ERVV-2: variants seen among roughly 807,000 people sequenced by gnomAD.
ERVV-2 encodes the protein endogenous retrovirus group V member 2, envelope.
For synonymous variants in ERVV-2, 105 were observed against 184.6 expected (o/e 0.57, Z 3.49); for missense variants, 291 against 495.1 (o/e 0.59, Z 3.91).
At chr19:53,047,018 G>A (rs2083893883) in intron 1 of ERVV-2, among the ~76,000 whole-genome samples, 1 of 152,132 alleles carries the variant, frequency 6.6e-6, no homozygotes, top group Non-Finnish European at 1.5e-5. Flanking sequence ...AATTAGCCGG[G>A]CCTGGTGGCA....
chr19:53,046,715 C>A (rs1251743384), intron 1 of ERVV-2, among the ~76,000 whole-genome samples: 1 of 152,192 alleles, frequency 6.6e-6, no homozygotes, highest in Non-Finnish European at 1.5e-5. Flanking sequence ...CACATCTTTT[C>A]CGTTCCTGTA....
chr19:53,051,010 A>AG lies in ERVV-2; in HGVS notation c.*151_*152insG, dbSNP rs138275902. Reference sequence around the variant, plus strand: ...TATTAGGGTAGGCAGGTAGGCAGGCATGAGCAGGCAAGAGAGCCCTTGGGA... The same window carrying AG: ...TATTAGGGTAGGCAGGTAGGCAGGCAGTGAGCAGGCAAGAGAGCCCTTGGGA... On this transcript the variant is annotated 3_prime_UTR_variant, in exon 2 of 2. Coordinates refer to ENST00000601417, the MANE Select transcript of ERVV-2 (RefSeq NM_001191055.2). 2.1e-6 allele frequency: 1 copy of AG among 475,122 alleles called. No individual in the cohort carries two copies. The highest frequency in any genetic ancestry group is 3.4e-6 in the Non-Finnish European group (1 of 296,662). 29.4% of individuals were successfully genotyped at this position (475,122 alleles called of 1,614,324 possible).
chr19:53,045,697 G>A (rs6509718), intron 1 of ERVV-2, among the ~76,000 whole-genome samples: 53,153 of 150,920 alleles, frequency 0.35, 7,750 homozygotes, highest in Middle Eastern at 0.45. Flanking sequence ...TGCCCCCACC[G>A]TTGATTAATC....
chr19:53,050,510 T>C lies in ERVV-2; in HGVS notation c.1259T>C (p.Ile420Thr). The C allele has an allele frequency of 1.4e-6, 1 of 727,662 alleles. No homozygotes were observed. Among genetic ancestry groups the C allele is most frequent in the Non-Finnish European group, 2.5e-6 (1 of 407,760 alleles). The allele number at this position is 727,662 out of a possible 1,614,324, so 45.1% of individuals were successfully genotyped here. The stretch of plus-strand genomic sequence containing the variant: ...AACAGTGGGGCGATAGAGGAGGATA[T>C]AAAAAAGATCTATGATGAGGCTACG... Reference protein sequence around the residue: ...VNNSGAIEEDIKKIYDEATWL... With the variant: ...VNNSGAIEEDTKKIYDEATWL... Residue 420 changes from isoleucine to threonine, a missense_variant, in exon 2 of 2, where the codon ATA becomes ACA. Coordinates refer to ENST00000601417, the MANE Select transcript of ERVV-2 (RefSeq NM_001191055.2).
Position 53,050,978 on chromosome 19 carries a change from A to G in ERVV-2, c.*119A>G. On this transcript the variant is annotated 3_prime_UTR_variant, in exon 2 of 2. Transcript: ENST00000601417. Reference sequence around the variant, plus strand: ...TTTTCAGGGTCTCCATCTCTTGAGGAGGGAAATATTAGGGTAGGCAGGTAG... The same window carrying G: ...TTTTCAGGGTCTCCATCTCTTGAGGGGGGAAATATTAGGGTAGGCAGGTAG... The G allele has an allele frequency of 9.9e-7, 1 of 1,012,112 alleles. No homozygotes were observed. Among genetic ancestry groups the G allele is most frequent in the Non-Finnish European group, 1.4e-6 (1 of 716,934 alleles). The allele number at this position is 1,012,112 out of a possible 1,614,324, so 62.7% of individuals were successfully genotyped here. A position where few individuals can be genotyped will look rare whatever the true frequency, so the allele number is the denominator to read the frequency against.
chr19:53,050,068 A>G lies in ERVV-2; in HGVS notation c.817A>G (p.Ile273Val). 6.8e-7 allele frequency: 1 copy of G among 1,469,284 alleles called. No homozygotes were observed. The highest frequency in any genetic ancestry group is 1.2e-5 in the South Asian group (1 of 80,118). 91.0% of individuals were successfully genotyped at this position (1,469,284 alleles called of 1,614,324 possible). ...NKLPFDGSPK[I>V]TYSTPPVANL... is the part of the protein sequence containing the mutation. ...ACTGCCCTTTGATGGAAGTCCTAAG[A>G]TAACCTATTCAACCCCCCCTGTGGC... The change falls in exon 2 of 2, where the codon ATA becomes GTA. Residue 273 changes from isoleucine (I) to valine (V), a missense_variant. Transcript: ENST00000601417.
At position 53,050,402 on chromosome 19, in the gene ERVV-2, AC is replaced by A. The variant is rs1308539854; in HGVS notation, c.1152del (p.Asn384LysfsTer5). 1 of 763,772 alleles carries A rather than the reference AC, an allele frequency of 1.3e-6. No homozygotes were observed. The highest frequency in any genetic ancestry group is 1.7e-5 in the African/African-American group (1 of 58,278). 47.3% of individuals were successfully genotyped at this position (763,772 alleles called of 1,614,324 possible). ...IDSLANVVMD[N>X]RLALDYLLAE... ...TCTCTAGCAAATGTAGTCATGGACA[AC>A]AGATTGGCCTTAGATTACCTCTTAG... is the stretch of plus-strand genomic sequence containing the variant. On this transcript the variant is annotated frameshift_variant, in exon 2 of 2. Coordinates refer to ENST00000601417, the MANE Select transcript of ERVV-2 (RefSeq NM_001191055.2). LOFTEE classifies it low-confidence loss of function (END_TRUNC).
rs373463923 is a variant in ERVV-2, at chr19:53,048,970, C to T, written c.-282C>T. 3.0e-5 allele frequency: 17 copies of T among 575,350 alleles called. No homozygotes were observed. Among genetic ancestry groups the T allele is most frequent in the East Asian group, 2.4e-4 (8 of 32,884 alleles). 35.6% of individuals were successfully genotyped at this position (575,350 alleles called of 1,614,324 possible). A position where few individuals can be genotyped will look rare whatever the true frequency, so the allele number is the denominator to read the frequency against. On this transcript the variant is annotated 5_prime_UTR_variant, in exon 2 of 2. Coordinates refer to ENST00000601417, the MANE Select transcript of ERVV-2 (RefSeq NM_001191055.2). ...AGAACAACAGAATTCAGCACCTGAG[C>T]ATTCTTGTGAGCCACTGGAGAACTT...
intron 1 of ERVV-2, among the ~76,000 whole-genome samples, chr19:53,048,505 T>A (rs1292605027): frequency 6.6e-6 from 1 of 151,696 alleles, no homozygotes; most frequent in Non-Finnish European, 1.5e-5. Flanking sequence ...TGGAGAAACC[T>A]TGTCTACTAA....
chr19:53,051,126 C>T lies in ERVV-2; in HGVS notation c.*267C>T. 4.5e-6 allele frequency: 1 copy of T among 223,504 alleles called. No individual in the cohort carries two copies. The allele number at this position is 223,504 out of a possible 1,614,324, so 13.8% of individuals were successfully genotyped here. On this transcript the variant is annotated 3_prime_UTR_variant, in exon 2 of 2. Coordinates refer to ENST00000601417, the MANE Select transcript of ERVV-2 (RefSeq NM_001191055.2). ...ACTTCTCTAATAACCCATCCTAGAA[C>T]AGCCTTTTGCTTTTTTTTTTTTTTT... is the stretch of plus-strand genomic sequence containing the variant.
chr19:53,046,750 T>A (rs188718002), intron 1 of ERVV-2, among the ~76,000 whole-genome samples: 3 of 152,298 alleles, frequency 2.0e-5, no homozygotes, highest in African/African-American at 7.2e-5. Flanking sequence ...CCCAATATCA[T>A]TATGTATTAA....
chr19:53,049,025 A>T lies in ERVV-2; in HGVS notation c.-227A>T. ...TTCCACTTCAAGTGAAAAGATAAGTAAAGCCTTCTCTCTGTTCACCCAAAA... is the reference window on the plus strand; with the variant it reads ...TTCCACTTCAAGTGAAAAGATAAGTTAAGCCTTCTCTCTGTTCACCCAAAA... On this transcript the variant is annotated 5_prime_UTR_variant, in exon 2 of 2. Coordinates refer to ENST00000601417, the MANE Select transcript of ERVV-2 (RefSeq NM_001191055.2). 1.5e-6 allele frequency: 1 copy of T among 649,482 alleles called. No individual in the cohort carries two copies. Among genetic ancestry groups the T allele is most frequent in the Non-Finnish European group, 2.6e-6 (1 of 384,170 alleles). 40.2% of individuals were successfully genotyped at this position (649,482 alleles called of 1,614,324 possible).
Position 53,050,966 on chromosome 19 carries a change from C to CTCAAGAG in ERVV-2, c.*107_*108insTCAAGAG. 2 of 1,113,012 alleles carry CTCAAGAG rather than the reference C, an allele frequency of 1.8e-6. No individual in the cohort carries two copies. Among genetic ancestry groups the CTCAAGAG allele is most frequent in the Non-Finnish European group, 1.2e-6 (1 of 807,524 alleles). 68.9% of individuals were successfully genotyped at this position (1,113,012 alleles called of 1,614,324 possible). ...TACAACCAGAGCTTTTCAGGGTCTCCATCTCTTGAGGAGGGAAATATTAGG... is the reference window on the plus strand; with the variant it reads ...TACAACCAGAGCTTTTCAGGGTCTCCTCAAGAGATCTCTTGAGGAGGGAAATATTAGG... On this transcript the variant is annotated 3_prime_UTR_variant, in exon 2 of 2. Coordinates refer to ENST00000601417, the MANE Select transcript of ERVV-2 (RefSeq NM_001191055.2).
rs4801949 is a variant in ERVV-2 at position 53,051,484 on chromosome 19, A to G, written c.*625A>G. On this transcript the variant is annotated 3_prime_UTR_variant, in exon 2 of 2. Coordinates refer to ENST00000601417, the MANE Select transcript of ERVV-2 (RefSeq NM_001191055.2). ...CTGAATGGCACATTCATGAAAAATCATGTAAGGTTCTCATAAAAACATCTG... is the reference window on the plus strand; with the variant it reads ...CTGAATGGCACATTCATGAAAAATCGTGTAAGGTTCTCATAAAAACATCTG... Among the ~76,000 whole-genome samples, 1 of 152,032 alleles carries G rather than the reference A, an allele frequency of 6.6e-6. No homozygotes were observed. Among genetic ancestry groups the G allele is most frequent in the Admixed American group, 6.6e-5 (1 of 15,264 alleles).
At position 53,050,801 on chromosome 19, in the gene ERVV-2, C is replaced by G; in HGVS notation, c.1550C>G (p.Ser517Cys). 2.0e-6 allele frequency: 3 copies of G among 1,535,716 alleles called. No individual in the cohort carries two copies. The highest frequency in any genetic ancestry group is 2.6e-6 in the Non-Finnish European group (3 of 1,146,824). The stretch of plus-strand genomic sequence containing the variant: ...GGCCCCAGCACCTATAAGCACATCT[C>G]CCCCTTGGATGCCAGTGGGCAAAGA... Reference protein sequence around the residue: ...IGGPSTYKHISPLDASGQRFR... With the variant: ...IGGPSTYKHICPLDASGQRFR... The change falls in exon 2 of 2, where the codon TCC (serine) becomes TGC (cysteine). Residue 517 changes from serine (S) to cysteine (C), a missense_variant. By Grantham distance (112) the Ser-to-Cys change is moderately radical (BLOSUM62 -1). Transcript: ENST00000601417.
At chr19:53,048,394 A>G (rs2083898828) in intron 1 of ERVV-2, among the ~76,000 whole-genome samples, 2 of 151,098 alleles carry the variant, frequency 1.3e-5, no homozygotes, top group South Asian at 2.1e-4. Flanking sequence ...AAACAAAAAA[A>G]AGGCCAGCCA....
Position 53,050,872 on chromosome 19 carries a change from G to A in ERVV-2, c.*13G>A. The A allele has an allele frequency of 1.3e-6, 2 of 1,505,944 alleles. No individual in the cohort carries two copies. Among genetic ancestry groups the A allele is most frequent in the Non-Finnish European group, 1.8e-6 (2 of 1,134,596 alleles). 93.3% of individuals were successfully genotyped at this position (1,505,944 alleles called of 1,614,324 possible). On this transcript the variant is annotated 3_prime_UTR_variant, in exon 2 of 2. Coordinates refer to ENST00000601417, the MANE Select transcript of ERVV-2 (RefSeq NM_001191055.2). ...ATTTTCTCTCTGAGACAGAGCAAGA[G>A]AGGGAGACCCTGATGACTTCTTCGC...
chr19:53,048,730 ACTGCCTG>A (rs1291591711), intron 1 of ERVV-2, 130 bp from the exon 2 acceptor site: 1 of 168,672 alleles, frequency 5.9e-6, no homozygotes, highest in East Asian at 1.8e-4. Flanking sequence ...GACAAAAGGT[ACTGCCTG>A]CTCTTGACCC....
Position 53,050,606 on chromosome 19 carries a change from C to T in ERVV-2, c.1355C>T (p.Pro452Leu), listed in dbSNP as rs1258813829. Residue 452 changes from proline (P) to leucine (L), a missense_variant, in exon 2 of 2, where the codon CCC becomes CTC. By Grantham distance (98) the Pro-to-Leu change is moderately conservative. Coordinates refer to ENST00000601417, the MANE Select transcript of ERVV-2 (RefSeq NM_001191055.2). ...TGGGAGGCTGTGAAGTCTGCCCTCC[C>T]CTCCCTCAACTGGTTTGTCCCTTTA... Reference protein sequence around the residue: ...AIWEAVKSALPSLNWFVPLLG... With the variant: ...AIWEAVKSALLSLNWFVPLLG... 2 of 1,124,226 alleles carry T rather than the reference C, an allele frequency of 1.8e-6. No homozygotes were observed. The highest frequency in any genetic ancestry group is 4.0e-5 in the Admixed American group (2 of 50,482). 69.6% of individuals were successfully genotyped at this position (1,124,226 alleles called of 1,614,324 possible). A position where few individuals can be genotyped will look rare whatever the true frequency, so the allele number is the denominator to read the frequency against.
Sources: gnomAD v4.1 joint callset for allele counts (sites outside exome capture counted in the v4.1 genomes callset) on GRCh38, gnomAD v4.1.1 for gene constraint, MANE v1.5 for transcripts, NCBI Gene and HGNC (gene_info 2026-07-23, HGNC 2026-07-21) for gene names.